The following UTP4 variants were observed in gnomAD, a reference collection of about 807,000 sequenced individuals.
UTP4 encodes the protein U3 small nucleolar RNA-associated protein 4 homolog.
A neutral mutation model predicts 82.4 loss-of-function variants in UTP4; 45 were observed. That is an observed-to-expected ratio of 0.55 (90% CI 0.43 to 0.70). The LOEUF is 0.70. UTP4 is among the 30% of genes least tolerant of loss of function. UTP4 has a pLI of 0.00. For synonymous variants in UTP4, 348 were observed against 300.3 expected, an observed-to-expected ratio of 1.16 and a Z score of -1.64; for missense variants, 819 against 858.3, an observed-to-expected ratio of 0.95 and a Z score of 0.57.
intron 3 of UTP4, among the ~76,000 whole-genome samples, chr16:69,137,490 G>A (rs947479992): frequency 2.0e-5 from 3 of 152,116 alleles, no homozygotes; most frequent in South Asian, 2.1e-4. Context: ...TTAGGCCAAG[G>A]GTCTCTAGCA....
chr16:69,141,703 T>TA (rs1962963635), intron 5 of UTP4, among the ~76,000 whole-genome samples: 1 of 152,036 alleles, frequency 6.6e-6, no homozygotes. Flanking sequence ...TTGTCTTTTT[T>TA]ATCTTTGAAT....
chr16:69,148,384 A>C (rs1434648877), intron 6 of UTP4, among the ~76,000 whole-genome samples: 1 of 151,602 alleles, frequency 6.6e-6, no homozygotes, highest in Non-Finnish European at 1.5e-5. Flanking sequence ...GATGTGAGCC[A>C]CTGCGCCCGG....
At chr16:69,135,084 A>G (rs1962777959) in intron 2 of UTP4, among the ~76,000 whole-genome samples, 1 of 151,126 alleles carries the variant, frequency 6.6e-6, no homozygotes, top group Non-Finnish European at 1.5e-5. Flanking sequence ...TAACAGTTAT[A>G]ACTATATAAT....
At chr16:69,157,413 G>A (rs1597148900) in intron 12 of UTP4, among the ~76,000 whole-genome samples, 173 bp downstream of exon 12, 1 of 152,106 alleles carries the variant, frequency 6.6e-6, no homozygotes, top group Non-Finnish European at 1.5e-5. Flanking sequence ...GAAGACTCTC[G>A]ATGAGATCTG....
In UTP4 at chr16:69,168,837, A is replaced by G. The variant is rs1224882598; in HGVS notation, c.1961A>G (p.Asp654Gly). 6.2e-7 allele frequency: 1 copy of G among 1,611,520 alleles called. No homozygotes were observed. Among genetic ancestry groups the G allele is most frequent in the African/African-American group, 1.3e-5 (1 of 74,974 alleles). ...CCTCTGCAGCCTCTACTCTTCATGG[A>G]TCTTTTGGATGAAAGAACACTCGTG... is the stretch of plus-strand genomic sequence containing the variant. ...SKIYKPLLFM[D>G]LLDERTLVAV... Residue 654 changes from aspartate to glycine, a missense_variant, in exon 17 of 17, where the codon GAT (aspartate) becomes GGT (glycine). Asp to Gly is a moderately conservative substitution (Grantham distance 94). Transcript: ENST00000314423.
intron 12 of UTP4, among the ~76,000 whole-genome samples, chr16:69,158,902 C>T (rs1235343088): frequency 6.6e-6 from 1 of 152,164 alleles, no homozygotes; most frequent in African/African-American, 2.4e-5. Context: ...TTATCCCACA[C>T]TAGTTGTCGT....
At chr16:69,136,630 G>C in intron 2 of UTP4, 66 bp from the exon 3 acceptor site, 1 of 1,524,788 alleles carries the variant, frequency 6.6e-7, no homozygotes, top group Non-Finnish European at 9.1e-7. Flanking sequence ...CATGTTGCCT[G>C]TGACCACTCA....
At chr16:69,165,630 C>G in intron 15 of UTP4, 104 bp downstream of exon 15, 1 of 972,308 alleles carries the variant, frequency 1.0e-6, no homozygotes, top group Non-Finnish European at 1.6e-6. Flanking sequence ...ATAAAGGTAG[C>G]TAGTAAATCA....
rs1229829984 is a variant in UTP4, at chr16:69,136,741, G to A, written c.205G>A (p.Ala69Thr). 1 of 1,614,046 alleles carries A rather than the reference G, an allele frequency of 6.2e-7. No homozygotes were observed. The highest frequency in any genetic ancestry group is 2.2e-5 in the East Asian group (1 of 44,876). Reference sequence around the variant, plus strand: ...TCGGGCTACAGAAGCTTTGTGCTGGGCAGAAGGACAGCGACTCTTTAGTGC... The same window carrying A: ...TCGGGCTACAGAAGCTTTGTGCTGGACAGAAGGACAGCGACTCTTTAGTGC... ...ESRATEALCWAEGQRLFSAGL... is the reference protein window; with the variant it reads ...ESRATEALCWTEGQRLFSAGL... The change falls in exon 3 of 17, where the codon GCA becomes ACA. Residue 69 changes from alanine (A) to threonine (T), a missense_variant. Physicochemically the swap from Ala to Thr is moderately conservative, Grantham distance 58. Coordinates refer to ENST00000314423, the MANE Select transcript of UTP4 (RefSeq NM_032830.3).
At chr16:69,158,098 T>A (rs971337379) in intron 12 of UTP4, among the ~76,000 whole-genome samples, 5 of 149,998 alleles carry the variant, frequency 3.3e-5, no homozygotes, top group Non-Finnish European at 7.4e-5. Context: ...ACCTCTCCCT[T>A]GTCCTGGATT....
intron 6 of UTP4, among the ~76,000 whole-genome samples, chr16:69,148,278 A>T (rs1032238368): frequency 6.6e-6 from 1 of 150,978 alleles, no homozygotes; most frequent in East Asian, 1.9e-4. Flanking sequence ...TGTATTTTTA[A>T]TAGAGACGGG....
At position 69,165,407 on chromosome 16, in the gene UTP4, T is replaced by G. The variant is rs747008912; in HGVS notation, c.1714T>G (p.Phe572Val). The change falls in exon 15 of 17, where the codon TTT becomes GTT. Residue 572 changes from phenylalanine (F) to valine (V), a missense_variant. By Grantham distance (50) the Phe-to-Val change is conservative. Coordinates refer to ENST00000314423, the MANE Select transcript of UTP4 (RefSeq NM_032830.3). The stretch of plus-strand genomic sequence containing the variant: ...GAGCCGGACTGTCCAGAAGCAGGGC[T>G]TTCACCACCTTTGGCTCCAAAGGGA... ...DWSRTVQKQG[F>V]HHLWLQRDTP... 1 of 1,614,056 alleles carries G rather than the reference T, an allele frequency of 6.2e-7. No homozygotes were observed. The highest frequency in any genetic ancestry group is 1.1e-5 in the South Asian group (1 of 91,064).
chr16:69,138,651 A>G (rs943438551), intron 4 of UTP4, among the ~76,000 whole-genome samples: 3 of 152,194 alleles, frequency 2.0e-5, no homozygotes, highest in Non-Finnish European at 4.4e-5. Flanking sequence ...ACCCTTTAGA[A>G]CAGGGGTTGG....
chr16:69,143,422 T>TAC, intron 6 of UTP4, 33 bp downstream of exon 6: 1 of 1,587,772 alleles, frequency 6.3e-7, no homozygotes, highest in Non-Finnish European at 8.6e-7. Context: ...GTGGTTGATG[T>TAC]ACACCCTTGT....
intron 6 of UTP4, 37 bp downstream of exon 6, chr16:69,143,426 C>G (rs1567603048): frequency 2.5e-6 from 4 of 1,581,088 alleles, no homozygotes; most frequent in East Asian, 4.5e-5. Context: ...TTGATGTACA[C>G]CCTTGTGGGG....
intron 6 of UTP4, among the ~76,000 whole-genome samples, chr16:69,144,361 G>C (rs1288381232): frequency 6.6e-6 from 1 of 151,640 alleles, no homozygotes; most frequent in East Asian, 1.9e-4. Context: ...TCTGTGCCCA[G>C]CTAATTTTTA....
intron 14 of UTP4, among the ~76,000 whole-genome samples, chr16:69,164,610 A>ATG (rs1185923658): frequency 7.4e-6 from 1 of 134,788 alleles, no homozygotes; most frequent in Non-Finnish European, 1.6e-5. Flanking sequence ...ATATATATAT[A>ATG]TATATGTATA....
chr16:69,153,546 C>G (rs1377152013), intron 8 of UTP4, 38 bp from the exon 9 acceptor site: 53 of 1,501,486 alleles, frequency 3.5e-5, no homozygotes, highest in Non-Finnish European at 4.9e-5. Context: ...GTAGATGACC[C>G]TGACTTATTT....
At chr16:69,141,986 C>T (rs190118576) in intron 5 of UTP4, 3 of 123,898 alleles carry the variant, frequency 2.4e-5, no homozygotes, top group African/African-American at 8.8e-5. Flanking sequence ...TATCCCTCCC[C>T]CCTCCCCTCA....
Sources: allele counts gnomAD v4.1 joint callset (sites outside exome capture counted in the v4.1 genomes callset), GRCh38; gene constraint gnomAD v4.1.1; transcripts MANE v1.5; gene names NCBI Gene and HGNC (gene_info 2026-07-23, HGNC 2026-07-21).